The following EEA1 variants were observed in gnomAD, a reference collection of about 807,000 sequenced individuals.
EEA1 encodes early endosome antigen 1, 162kD.
EEA1 carries 111 observed loss-of-function variants against 209.2 expected under a neutral mutation model. The observed-to-expected ratio is 0.53, with a 90% confidence interval of 0.45 to 0.62. The LOEUF (loss-of-function observed/expected upper bound fraction) is 0.62. Among genes scored for constraint, EEA1 ranks in the 20% least tolerant of loss-of-function variants. The probability of loss-of-function intolerance (pLI) is 0.00; values close to 1 mark genes in which losing one functional copy is unlikely to be tolerated. For missense variants in EEA1, 1,343 were observed against 1,530.8 expected (o/e 0.88, Z 2.05); for synonymous variants, 536 against 540.6 (o/e 0.99, Z 0.12).
chr12:92,826,462 C>T (rs1426837966), intron 12 of EEA1, among the ~76,000 whole-genome samples, 177 bp from the exon 13 acceptor site: 3 of 151,964 alleles, frequency 2.0e-5, no homozygotes, highest in African/African-American at 7.3e-5. Context: ...GTAATCCCAG[C>T]ACTTTGGGAG....
chr12:92,899,425 G>A (rs1179565951), intron 1 of EEA1, among the ~76,000 whole-genome samples: 1 of 152,184 alleles, frequency 6.6e-6, no homozygotes, highest in Admixed American at 6.5e-5. Flanking sequence ...CAGCGTGGTC[G>A]CTGACCCTTC....
chr12:92,782,402 A>G (rs1599891), intron 22 of EEA1, among the ~76,000 whole-genome samples: 2,829 of 152,316 alleles, frequency 0.019, 95 homozygotes, highest in African/African-American at 0.063. Flanking sequence ...TATTTAAAGT[A>G]TTTGCTGAAT....
At chr12:92,839,579 TCC>T (rs1436728350) in intron 10 of EEA1, among the ~76,000 whole-genome samples, 1 of 152,226 alleles carries the variant, frequency 6.6e-6, no homozygotes, top group East Asian at 1.9e-4. Context: ...TAAAGAGGTT[TCC>T]AAAAATGTGA....
intron 6 of EEA1, 78 bp from the exon 7 acceptor site, chr12:92,853,103 G>C: frequency 1.1e-6 from 1 of 939,014 alleles, no homozygotes; most frequent in Non-Finnish European, 1.6e-6. Context: ...ATTTATTACA[G>C]TTGTAAAGAT....
At chr12:92,827,686 A>C (rs992596482) in intron 12 of EEA1, among the ~76,000 whole-genome samples, 2 of 152,244 alleles carry the variant, frequency 1.3e-5, no homozygotes, top group African/African-American at 4.8e-5. Flanking sequence ...TTTCCTGCCT[A>C]AACCTGAAAG....
intron 3 of EEA1, among the ~76,000 whole-genome samples, chr12:92,857,690 G>GA (rs960377716): frequency 2.0e-5 from 3 of 152,086 alleles, no homozygotes; most frequent in Admixed American, 6.5e-5. Flanking sequence ...TTTATAAATG[G>GA]AAAAAACATT....
intron 1 of EEA1, among the ~76,000 whole-genome samples, chr12:92,921,883 A>AG (rs1158143607): frequency 6.8e-6 from 1 of 146,146 alleles, no homozygotes; most frequent in Non-Finnish European, 1.5e-5. Flanking sequence ...AAAAAAAAAA[A>AG]AAAGAAAAAA....
Position 92,802,699 on chromosome 12 carries a change from G to T in EEA1, c.2375C>A (p.Ser792Tyr). ...TTGCTTGATACTTTCAAGGGCTTCAGATTTTTTCTGTAGATCCAATCTTGT... is the reference window on the plus strand; with the variant it reads ...TTGCTTGATACTTTCAAGGGCTTCATATTTTTTCTGTAGATCCAATCTTGT... Reference protein sequence around the residue: ...SSTRLDLQKKSEALESIKQKL... With the variant: ...SSTRLDLQKKYEALESIKQKL... Residue 792 changes from serine to tyrosine, a missense_variant, in exon 19 of 29, where the codon TCT becomes TAT. By Grantham distance (144) the Ser-to-Tyr change is moderately radical. Coordinates refer to ENST00000322349, the MANE Select transcript of EEA1 (RefSeq NM_003566.4). 1 of 1,597,214 alleles carries T rather than the reference G, an allele frequency of 6.3e-7. No individual in the cohort carries two copies. Among genetic ancestry groups the T allele is most frequent in the East Asian group, 2.2e-5 (1 of 44,522 alleles).
chr12:92,884,761 G>A (rs1050700287), intron 2 of EEA1: 2 of 1,147,580 alleles, frequency 1.7e-6, no homozygotes, highest in Admixed American at 1.9e-5. Flanking sequence ...GGAAGCTACA[G>A]GTTACAACAG....
At chr12:92,902,404 G>C (rs952568460) in intron 1 of EEA1, among the ~76,000 whole-genome samples, 1 of 152,042 alleles carries the variant, frequency 6.6e-6, no homozygotes. Context: ...CTTAGTAAGC[G>C]GGGCAAGGCA....
chr12:92,872,235 A>G (rs1196217429), intron 2 of EEA1, among the ~76,000 whole-genome samples: 1 of 151,708 alleles, frequency 6.6e-6, no homozygotes, highest in Non-Finnish European at 1.5e-5. Flanking sequence ...TTTTAGTAGA[A>G]ATGGGGTTTC....
At chr12:92,796,725 C>T (rs1874668141) in intron 21 of EEA1, among the ~76,000 whole-genome samples, 2 of 152,128 alleles carry the variant, frequency 1.3e-5, no homozygotes, top group Non-Finnish European at 2.9e-5. Flanking sequence ...TTTGTCATGG[C>T]CTATTATTAC....
chr12:92,923,469 T>G (rs1045567825), intron 1 of EEA1, among the ~76,000 whole-genome samples: 13 of 152,212 alleles, frequency 8.5e-5, no homozygotes, highest in African/African-American at 2.9e-4. Context: ...CCCCCTACTC[T>G]ATACTAAACT....
At chr12:92,806,937 TAA>T (rs1565815920) in intron 18 of EEA1, among the ~76,000 whole-genome samples, 5 of 144,052 alleles carry the variant, frequency 3.5e-5, no homozygotes, top group African/African-American at 1.3e-4. Flanking sequence ...TTTTCTTTTT[TAA>T]TAATTTTTTT....
At chr12:92,836,310 T>C (rs1040195090) in intron 10 of EEA1, among the ~76,000 whole-genome samples, 5 of 152,190 alleles carry the variant, frequency 3.3e-5, no homozygotes, top group South Asian at 2.1e-4. Context: ...AACCTAATTA[T>C]CATTTGAGTA....
chr12:92,858,412 A>T (rs7138228), intron 3 of EEA1: 294,312 of 1,191,894 alleles, frequency 0.25, 41,590 homozygotes, highest in Non-Finnish European at 0.28. Context: ...GTAGCCTTGG[A>T]GCAACAGTCA....
intron 24 of EEA1, among the ~76,000 whole-genome samples, chr12:92,779,928 AAAC>A (rs1206141760): frequency 4.6e-5 from 7 of 152,110 alleles, no homozygotes; most frequent in Non-Finnish European, 1.5e-5. Context: ...ATAATTGAAT[AAAC>A]AATCCCTTTA....
In EEA1 at chr12:92,852,279, C is replaced by T. The variant is rs374429985; in HGVS notation, c.538G>A (p.Asp180Asn). The T allele has an allele frequency of 1.2e-5, 19 of 1,581,254 alleles. No individual in the cohort carries two copies. In the African/African-American group the frequency reaches 1.6e-4, roughly 14 times the overall value. ...TEIADIKSKY[D>N]EERSLREAAE... is the part of the protein sequence containing the mutation. Reference sequence around the variant, plus strand: ...GCTTCTCGAAGACTCCTTTCTTCATCATACTTTGACTTTATATCTAATTAA... The same window carrying T: ...GCTTCTCGAAGACTCCTTTCTTCATTATACTTTGACTTTATATCTAATTAA... The change falls in exon 8 of 29, where the codon GAT (aspartate) becomes AAT (asparagine). Residue 180 changes from aspartate to asparagine, a missense_variant. Physicochemically the swap from Asp to Asn is conservative, Grantham distance 23 (BLOSUM62 1). Around this residue, in one of 3 missense-constraint regions of EEA1, gnomAD observed 1,307 missense variants for 1,465.5 expected, o/e 0.89. Transcript: ENST00000322349.
rs1008181898 is a variant in EEA1, at chr12:92,775,224, G to C, written c.*787C>G. 6.6e-6 allele frequency: 1 copy of C among 151,648 alleles called. No individual in the cohort carries two copies. The highest frequency in any genetic ancestry group is 2.4e-5 in the African/African-American group (1 of 41,390). The allele number at this position is 151,648 out of a possible 1,614,324, so 9.4% of individuals were successfully genotyped here. ...ACAGCGAGGGTAAGAAGCTTTCTAA[G>C]ATTCTAAATGGACAATGCGTGGGAG... is the stretch of plus-strand genomic sequence containing the variant. On this transcript the variant is annotated 3_prime_UTR_variant, in exon 29 of 29. Coordinates refer to ENST00000322349, the MANE Select transcript of EEA1 (RefSeq NM_003566.4).
Sources: gnomAD v4.1 joint callset for allele counts (sites outside exome capture counted in the v4.1 genomes callset) on GRCh38, gnomAD v4.1.1 for gene constraint, gnomAD v4.1.1 regional missense constraint, MANE v1.5 for transcripts, NCBI Gene and HGNC (gene_info 2026-07-23, HGNC 2026-07-21) for gene names.